The following PDE6B variants were observed in gnomAD, a reference collection of about 807,000 sequenced individuals.
PDE6B encodes phosphodiesterase 6B.
PDE6B carries 106 observed loss-of-function variants against 109.0 expected under a neutral mutation model. That is an observed-to-expected ratio of 0.97 (90% CI 0.83 to 1.14). The LOEUF (loss-of-function observed/expected upper bound fraction) is 1.14, where lower values mean the gene tolerates loss of function less well. PDE6B is among the 50% of genes most tolerant of loss of function. The pLI is 0.00. For missense variants in PDE6B, 1,193 were observed against 1,155.6 expected, an observed-to-expected ratio of 1.03 and a Z score of -0.47; for synonymous variants, 490 against 471.3, an observed-to-expected ratio of 1.04 and a Z score of -0.51.
intron 5 of PDE6B, chr4:654,488 C>G (rs1047197558): frequency 1.0e-5 from 6 of 581,586 alleles, no homozygotes; most frequent in Non-Finnish European, 1.9e-5. Flanking sequence ...TGTGAGAGTA[C>G]GGGCCCAGCT....
In PDE6B at chr4:663,458, A is replaced by G. The variant is rs545158097; in HGVS notation, c.1920+271A>G. 3.9e-5 allele frequency among the ~76,000 whole-genome samples: 6 copies of G among 152,326 alleles called. No individual in the cohort carries two copies. The highest frequency in any genetic ancestry group is 3.9e-4 in the Admixed American group (6 of 15,312). ...AAGGGGAAGCGGCCCGGGACCCACCAGCGGGGGAATGAAGGGCAGCCGAGC... is the reference window on the plus strand; with the variant it reads ...AAGGGGAAGCGGCCCGGGACCCACCGGCGGGGGAATGAAGGGCAGCCGAGC... On this transcript the variant is annotated intron_variant, in intron 15 of 21. Transcript: ENST00000496514. The surrounding 1 kb of genome is among the most constrained non-coding windows in gnomAD (Gnocchi z 4.0).
rs1735339323 is a variant in PDE6B at position 648,795 on chromosome 4, G to A, written c.712-5057G>A. On this transcript the variant is annotated intron_variant, in intron 3 of 21. Transcript: ENST00000496514. This position sits in a 1 kb window ranked among gnomAD's most constrained non-coding sequence, Gnocchi z 4.5. ...CAGCAAAGCTGCATGAAAGGCCTGT[G>A]GGTGCAGGGCTGCAGCTCTCACCTT... is the stretch of plus-strand genomic sequence containing the variant. Among the ~76,000 whole-genome samples, 2 of 152,276 alleles carry A rather than the reference G, an allele frequency of 1.3e-5. No homozygotes were observed. The highest frequency in any genetic ancestry group is 2.9e-5 in the Non-Finnish European group (2 of 68,052).
intron 1 of PDE6B, among the ~76,000 whole-genome samples, chr4:630,872 T>A (rs2109125029): frequency 1.3e-5 from 2 of 152,266 alleles, no homozygotes; most frequent in Admixed American, 1.3e-4. Context: ...ACCAAGGGTG[T>A]ATCTGGCACA....
At chr4:635,593 T>C (rs1734638275) in intron 2 of PDE6B, among the ~76,000 whole-genome samples, 1 of 152,204 alleles carries the variant, frequency 6.6e-6, no homozygotes, top group Non-Finnish European at 1.5e-5. Flanking sequence ...GCCCGCGTGT[T>C]CTGTGCTGCG....
rs560334464 is a variant in PDE6B, at chr4:657,477, G to A, written c.1384G>A (p.Glu462Lys). The stretch of plus-strand genomic sequence containing the variant: ...TTACCACGTGAAGTGCGACAGGGAC[G>A]AGATCCAGCTCATCCTGGTGCGGCG... The part of the protein sequence containing the change: ...VLYHVKCDRD[E>K]IQLILPTRAR... The change falls in exon 10 of 22, where the codon GAG (glutamate) becomes AAG (lysine). Residue 462 changes from glutamate (E) to lysine (K), a missense_variant. Transcript: ENST00000496514. The A allele has an allele frequency of 1.2e-4, 196 of 1,613,238 alleles. 3 individuals carry two copies. The South Asian group carries it at 2.0e-3, about 17-fold the overall frequency.
chr4:657,950 CAG>C (rs1736530590), intron 10 of PDE6B, among the ~76,000 whole-genome samples: 1 of 128,902 alleles, frequency 7.8e-6, no homozygotes, highest in African/African-American at 3.0e-5. Context: ...TGAGGGGTCA[CAG>C]GGGTCATGGC....
At position 662,924 on chromosome 4, in the gene PDE6B, G is replaced by A. The variant is rs1303451383; in HGVS notation, c.1833-176G>A. ...AGGCTGAGGTGGGAGGATCACTTGA[G>A]CCCAGGAGGTCAAGGCTGTATTGAG... On this transcript the variant is annotated intron_variant, in intron 14 of 21. Transcript: ENST00000496514. This position sits in a 1 kb window ranked among gnomAD's most constrained non-coding sequence, Gnocchi z 4.3. Among the ~76,000 whole-genome samples, 1 of 151,824 alleles carries A rather than the reference G, an allele frequency of 6.6e-6. No individual in the cohort carries two copies. Among genetic ancestry groups the A allele is most frequent in the East Asian group, 1.9e-4 (1 of 5,172 alleles).
In PDE6B at chr4:663,878, C is replaced by T. The variant is rs1737445447; in HGVS notation, c.2021+8C>T. ...CCTGGCCCTGTACTTCAAGTGCGCG[C>T]CTTCCGGGAGGGGGCGCCTCGCGGG... On this transcript the variant is annotated splice_region_variant and intron_variant, in intron 16 of 21. Transcript: ENST00000496514. The surrounding 1 kb of genome is among the most constrained non-coding windows in gnomAD (Gnocchi z 4.0). The T allele has an allele frequency of 1.9e-6, 3 of 1,596,408 alleles. No individual in the cohort carries two copies. The highest frequency in any genetic ancestry group is 1.7e-5 in the Admixed American group (1 of 59,376).
chr4:663,789 A>C lies in PDE6B; in HGVS notation c.1940A>C (p.Asn647Thr), dbSNP rs772442419. 1.2e-6 allele frequency: 2 copies of C among 1,612,044 alleles called. No homozygotes were observed. The highest frequency in any genetic ancestry group is 1.7e-6 in the Non-Finnish European group (2 of 1,179,170). Residue 647 changes from asparagine to threonine, a missense_variant, in exon 16 of 22, where the codon AAC becomes ACC. By Grantham distance (65) the Asn-to-Thr change is moderately conservative. Coordinates refer to ENST00000496514, the MANE Select transcript of PDE6B (RefSeq NM_000283.4). This position sits in a 1 kb window ranked among gnomAD's most constrained non-coding sequence, Gnocchi z 4.0. ...LSEETLNIYQ[N>T]LNRRQHEHVI... ...CCGCAGACCCTGAACATCTACCAGA[A>C]CCTGAACCGGCGGCAGCACGAGCAC... is the stretch of plus-strand genomic sequence containing the variant.
intron 3 of PDE6B, among the ~76,000 whole-genome samples, chr4:650,110 G>A (rs1305245027): frequency 2.0e-5 from 3 of 152,250 alleles, no homozygotes; most frequent in South Asian, 4.1e-4. Context: ...ATCCTGTACC[G>A]GGGTGCTGGG....
In PDE6B at chr4:663,000, C is replaced by G. The variant is rs962973059; in HGVS notation, c.1833-100C>G. On this transcript the variant is annotated intron_variant, in intron 14 of 21. Coordinates refer to ENST00000496514, the MANE Select transcript of PDE6B (RefSeq NM_000283.4). The surrounding 1 kb of genome is among the most constrained non-coding windows in gnomAD (Gnocchi z 4.3). The stretch of plus-strand genomic sequence containing the variant: ...AGTGGGTGACAGAGGCAGACCCTGT[C>G]TCAAAAAAAAGAAAGTGGGGCCCAT... 2 of 771,136 alleles carry G rather than the reference C, an allele frequency of 2.6e-6. No homozygotes were observed. Among genetic ancestry groups the G allele is most frequent in the Non-Finnish European group, 2.4e-6 (1 of 421,770 alleles). 47.8% of individuals were successfully genotyped at this position (771,136 alleles called of 1,614,324 possible).
intron 3 of PDE6B, among the ~76,000 whole-genome samples, chr4:640,350 A>C (rs966960046): frequency 6.6e-6 from 1 of 152,164 alleles, no homozygotes; most frequent in Non-Finnish European, 1.5e-5. Context: ...AGCCTGGCCA[A>C]GATGGTGAAA....
chr4:660,706 G>T lies in PDE6B; in HGVS notation c.1614+93G>T, dbSNP rs557598651. The T allele has an allele frequency of 1.5e-5, 17 of 1,123,612 alleles. No individual in the cohort carries two copies. The Admixed American group carries it at 2.5e-4, about 17-fold the overall frequency. 69.6% of individuals were successfully genotyped at this position (1,123,612 alleles called of 1,614,324 possible). ...ATCAGGGCCTCAGGTGCCCCAGAAG[G>T]TGAGGGGGATGGGATTGGGGGTTCC... On this transcript the variant is annotated intron_variant, in intron 12 of 21. Coordinates refer to ENST00000496514, the MANE Select transcript of PDE6B (RefSeq NM_000283.4).
Position 666,317 on chromosome 4 carries a change from G to C in PDE6B, c.2269-214G>C, listed in dbSNP as rs905765138. On this transcript the variant is annotated intron_variant, in intron 19 of 21. Transcript: ENST00000496514. The surrounding 1 kb of genome is among the most constrained non-coding windows in gnomAD (Gnocchi z 5.6). ...CGGGCTGGAGCCAACAGCAGCTGTG[G>C]GAAGAAGCTGCCCACAGTTCCTAGG... 1.3e-5 allele frequency among the ~76,000 whole-genome samples: 2 copies of C among 152,144 alleles called. No individual in the cohort carries two copies.
chr4:667,568 C>T (rs1377790042), intron 20 of PDE6B, among the ~76,000 whole-genome samples: 1 of 152,164 alleles, frequency 6.6e-6, no homozygotes, highest in African/African-American at 2.4e-5. Context: ...CTCTGCCTGG[C>T]ACCCTGCCCC....
chr4:635,850 T>G (rs1734651817), intron 2 of PDE6B, 30 bp from the exon 3 acceptor site: 3 of 1,185,322 alleles, frequency 2.5e-6, no homozygotes, highest in African/African-American at 1.5e-5. Context: ...ACTGGAATTT[T>G]AATTCCTCTT....
At position 626,136 on chromosome 4, in the gene PDE6B, T is replaced by C; in HGVS notation, c.468+42T>C. On this transcript the variant is annotated intron_variant, in intron 1 of 21. Coordinates refer to ENST00000496514, the MANE Select transcript of PDE6B (RefSeq NM_000283.4). The surrounding 1 kb of genome is among the most constrained non-coding windows in gnomAD (Gnocchi z 4.6). ...CCTCAGGGAGGCGGCTGTGTGCATC[T>C]CTTGCACCTGTCCCAGGTGTCTAAG... is the stretch of plus-strand genomic sequence containing the variant. The C allele has an allele frequency of 8.3e-7, 1 of 1,201,288 alleles. No homozygotes were observed. Among genetic ancestry groups the C allele is most frequent in the Middle Eastern group, 2.6e-4 (1 of 3,920 alleles). The allele number at this position is 1,201,288 out of a possible 1,614,324, so 74.4% of individuals were successfully genotyped here.
Position 653,220 on chromosome 4 carries a change from C to G in PDE6B, c.712-632C>G, listed in dbSNP as rs569310182. On this transcript the variant is annotated intron_variant, in intron 3 of 21. Coordinates refer to ENST00000496514, the MANE Select transcript of PDE6B (RefSeq NM_000283.4). ...GAGCTGGCACCATGCGGTAGAAGAC[C>G]CAGCGGCCGCCGCGAGTGTGAGGAG... is the stretch of plus-strand genomic sequence containing the variant. The G allele has an allele frequency of 3.0e-6, 3 of 1,009,200 alleles. No individual in the cohort carries two copies. In the African/African-American group the frequency reaches 5.2e-5, roughly 17 times the overall value. The allele number at this position is 1,009,200 out of a possible 1,614,324, so 62.5% of individuals were successfully genotyped here.
intron 8 of PDE6B, 74 bp from the exon 9 acceptor site, chr4:656,800 C>T (rs1736314812): frequency 2.1e-6 from 3 of 1,409,074 alleles, no homozygotes; most frequent in Admixed American, 1.7e-5. Context: ...GACATGAGGT[C>T]ACTCTCCCCG....
Sources: allele counts gnomAD v4.1 joint callset (sites outside exome capture counted in the v4.1 genomes callset), GRCh38; gene constraint gnomAD v4.1.1; non-coding constraint Gnocchi (gnomAD v3.1); transcripts MANE v1.5; gene names NCBI Gene and HGNC (gene_info 2026-07-23, HGNC 2026-07-21).